Variants in GRM8 observed in about 807,000 individuals in gnomAD.
GRM8 encodes glutamate metabotropic receptor 8, also known as metabotropic glutamate receptor 8.
In GRM8, 47 loss-of-function variants were observed where a neutral mutation model predicts 87.2. That is an observed-to-expected ratio of 0.54 (90% confidence interval 0.43 to 0.69). The LOEUF (loss-of-function observed/expected upper bound fraction) is 0.69, where lower values mean the gene tolerates loss of function less well. Among genes scored for constraint, GRM8 ranks in the 30% least tolerant of loss-of-function variants. GRM8 has a pLI of 0.00. For missense variants in GRM8, 1,019 were observed against 1,139.2 expected, an observed-to-expected ratio of 0.89 and a Z score of 1.52; for synonymous variants, 396 against 404.5, an observed-to-expected ratio of 0.98 and a Z score of 0.25.
chr7:126,726,176 C>T (rs533362274), intron 7 of GRM8, among the ~76,000 whole-genome samples: 1 of 152,060 alleles, frequency 6.6e-6, no homozygotes, highest in East Asian at 1.9e-4. Context: ...GAATAGTAAA[C>T]TCCATGCCAT....
intron 6 of GRM8, among the ~76,000 whole-genome samples, chr7:126,872,400 G>A (rs1298547155): frequency 6.6e-6 from 1 of 152,022 alleles, no homozygotes; most frequent in East Asian, 1.9e-4. Context: ...GTCTTACCCA[G>A]AGGCCACTTC....
chr7:126,454,028 T>C (rs1207884504), intron 9 of GRM8, among the ~76,000 whole-genome samples: 1 of 151,710 alleles, frequency 6.6e-6, no homozygotes, highest in East Asian at 1.9e-4. Context: ...ATAACAGCAA[T>C]GGGGATGTCT....
chr7:127,181,468 T>C (rs1300038058), intron 2 of GRM8, among the ~76,000 whole-genome samples: 1 of 151,878 alleles, frequency 6.6e-6, no homozygotes, highest in South Asian at 2.1e-4. Flanking sequence ...AATACCACCA[T>C]CATTCTTCAC....
chr7:126,656,912 T>C (rs114001216), intron 7 of GRM8, among the ~76,000 whole-genome samples: 2,681 of 152,282 alleles, frequency 0.018, 88 homozygotes, highest in African/African-American at 0.061. Flanking sequence ...CTGACATCGG[T>C]TGCAGGGTCT....
chr7:126,727,273 C>T (rs1411103066), intron 7 of GRM8, among the ~76,000 whole-genome samples: 5 of 151,972 alleles, frequency 3.3e-5, no homozygotes, highest in African/African-American at 9.6e-5. Context: ...GCATTAAGAA[C>T]ATACTTTTTA....
intron 6 of GRM8, among the ~76,000 whole-genome samples, chr7:126,848,868 A>G (rs1450411511): frequency 6.6e-6 from 1 of 152,156 alleles, no homozygotes; most frequent in Non-Finnish European, 1.5e-5. Flanking sequence ...AGACTGGGCA[A>G]TTTACAAAAG....
chr7:127,118,230 A>C (rs1587069325), intron 2 of GRM8: 1 of 152,160 alleles, frequency 6.6e-6, no homozygotes, highest in Non-Finnish European at 1.5e-5. Flanking sequence ...CAGGGGGAAA[A>C]CCCACTCCAT....
intron 2 of GRM8, among the ~76,000 whole-genome samples, chr7:127,123,887 T>A (rs1827217918): frequency 6.6e-6 from 1 of 152,158 alleles, no homozygotes; most frequent in Non-Finnish European, 1.5e-5. Flanking sequence ...TTCCTTTCCC[T>A]TTCCCTTTCC....
At chr7:126,668,453 C>G (rs1806031053) in intron 7 of GRM8, among the ~76,000 whole-genome samples, 1 of 152,118 alleles carries the variant, frequency 6.6e-6, no homozygotes, top group South Asian at 2.1e-4. Flanking sequence ...AACCCCCTGT[C>G]TCCCCCAGGC....
At chr7:126,525,168 A>C (rs1194694691) in intron 9 of GRM8, among the ~76,000 whole-genome samples, 2 of 152,106 alleles carry the variant, frequency 1.3e-5, no homozygotes, top group Non-Finnish European at 2.9e-5. Flanking sequence ...TTGTGAGTTT[A>C]GTGATTGTTT....
chr7:127,057,591 T>A (rs1820126660), intron 3 of GRM8, among the ~76,000 whole-genome samples: 1 of 152,226 alleles, frequency 6.6e-6, no homozygotes, highest in African/African-American at 2.4e-5. Context: ...TTCTCCTTTT[T>A]AACATATCTC....
chr7:126,982,784 C>T (rs1177062193), intron 3 of GRM8, among the ~76,000 whole-genome samples: 1 of 152,202 alleles, frequency 6.6e-6, no homozygotes, highest in Non-Finnish European at 1.5e-5. Context: ...ACTACCCATT[C>T]TGTATTCCCT....
chr7:126,983,594 T>A (rs1034999531), intron 3 of GRM8, among the ~76,000 whole-genome samples: 1 of 152,096 alleles, frequency 6.6e-6, no homozygotes, highest in Non-Finnish European at 1.5e-5. Flanking sequence ...GGAGTTACAA[T>A]GTTGGCTGGG....
At chr7:126,838,241 G>A (rs1007612582) in intron 6 of GRM8, among the ~76,000 whole-genome samples, 2 of 151,998 alleles carry the variant, frequency 1.3e-5, no homozygotes, top group African/African-American at 2.4e-5. Flanking sequence ...TTTAGAAATA[G>A]CATCTTGGGG....
intron 6 of GRM8, among the ~76,000 whole-genome samples, chr7:126,881,282 C>G (rs771726541): frequency 6.6e-6 from 1 of 152,128 alleles, no homozygotes; most frequent in African/African-American, 2.4e-5. Flanking sequence ...TAGGGATAAA[C>G]AGTCAAGGAA....
intron 2 of GRM8, among the ~76,000 whole-genome samples, chr7:127,184,719 G>A (rs17865090): frequency 0.025 from 3,817 of 151,972 alleles, 153 homozygotes; most frequent in African/African-American, 0.087. Context: ...AATTTTCTCT[G>A]TGCAAAATCC....
intron 9 of GRM8, among the ~76,000 whole-genome samples, chr7:126,486,135 T>C (rs1362942567): frequency 6.6e-6 from 1 of 151,944 alleles, no homozygotes; most frequent in African/African-American, 2.4e-5. Context: ...AAACCATAGC[T>C]ACATAGCTCT....
intron 8 of GRM8, among the ~76,000 whole-genome samples, chr7:126,596,363 A>C (rs1241631471): frequency 6.6e-6 from 1 of 152,122 alleles, no homozygotes; most frequent in Non-Finnish European, 1.5e-5. Context: ...ACTGATGTGA[A>C]ATGGCATCTG....
chr7:126,620,610 C>T (rs938791243), intron 7 of GRM8, among the ~76,000 whole-genome samples: 2 of 151,834 alleles, frequency 1.3e-5, no homozygotes, highest in African/African-American at 4.8e-5. Context: ...TACCAATTAT[C>T]CGTGTGATCT....
Sources: gnomAD v4.1 joint callset for allele counts (sites outside exome capture counted in the v4.1 genomes callset) on GRCh38, gnomAD v4.1.1 for gene constraint, MANE v1.5 for transcripts, NCBI Gene and HGNC (gene_info 2026-07-23, HGNC 2026-07-21) for gene names.